Variants in COL4A4 observed in about 807,000 individuals in gnomAD.
COL4A4 encodes the protein collagen alpha-4(IV) chain.
A neutral mutation model predicts 192.9 loss-of-function variants in COL4A4; 105 were observed. That is an observed-to-expected ratio of 0.54 (90% CI 0.46 to 0.64). COL4A4 has a LOEUF of 0.64. Among genes scored for constraint, COL4A4 ranks in the 30% least tolerant of loss-of-function variants. The pLI, the probability that COL4A4 is intolerant of heterozygous loss-of-function variation, is 0.00. For missense variants in COL4A4, 1,967 were observed against 2,169.3 expected (o/e 0.91, Z 1.85); for synonymous variants, 762 against 769.9 (o/e 0.99, Z 0.17).
chr2:227,024,784 C>G (rs1366375011), intron 43 of COL4A4, among the ~76,000 whole-genome samples: 1 of 152,172 alleles, frequency 6.6e-6, no homozygotes, highest in African/African-American at 2.4e-5. Flanking sequence ...TAATGTAAAA[C>G]TTGGCTTTTC....
chr2:227,046,731 G>A (rs774902616), intron 35 of COL4A4, among the ~76,000 whole-genome samples: 12 of 152,088 alleles, frequency 7.9e-5, no homozygotes, highest in Non-Finnish European at 1.8e-4. Flanking sequence ...CTGTTCTGTC[G>A]GCTTGAACTC....
rs750398902 is a variant in COL4A4 at position 227,101,857 on chromosome 2, A to G, written c.975+8T>C. The G allele has an allele frequency of 8.9e-6, 14 of 1,574,868 alleles. No individual in the cohort carries two copies. Among genetic ancestry groups the G allele is most frequent in the Non-Finnish European group, 1.2e-5 (14 of 1,151,524 alleles). On this transcript the variant is annotated splice_region_variant and intron_variant, in intron 16 of 47. Coordinates refer to ENST00000396625, the MANE Select transcript of COL4A4 (RefSeq NM_000092.5). ...GTATTTATTATCTCTATAATGAGGTACATTTACCTTTAATCCTGGAAAACC... is the reference window on the plus strand; with the variant it reads ...GTATTTATTATCTCTATAATGAGGTGCATTTACCTTTAATCCTGGAAAACC...
In COL4A4 at chr2:227,103,128, T is replaced by C. The variant is rs750661133; in HGVS notation, c.870+16A>G. The C allele has an allele frequency of 1.3e-6, 2 of 1,591,934 alleles. No individual in the cohort carries two copies. On this transcript the variant is annotated intron_variant, in intron 14 of 47. Coordinates refer to ENST00000396625, the MANE Select transcript of COL4A4 (RefSeq NM_000092.5). ...ATCACACAAATGAAAAAAAAAAAGGTACTTAAATAAACTACCTTGCGTCCT... is the reference window on the plus strand; with the variant it reads ...ATCACACAAATGAAAAAAAAAAAGGCACTTAAATAAACTACCTTGCGTCCT...
intron 13 of COL4A4, among the ~76,000 whole-genome samples, chr2:227,103,656 C>T (rs1388177167): frequency 2.0e-5 from 3 of 152,176 alleles, no homozygotes; most frequent in Non-Finnish European, 4.4e-5. Flanking sequence ...TCTGTAACAT[C>T]TAAAGGACAA....
At position 227,077,967 on chromosome 2, in the gene COL4A4, T is replaced by C. The variant is rs759226801; in HGVS notation, c.1914A>G (p.Pro638=). 10 of 1,613,862 alleles carry C rather than the reference T, an allele frequency of 6.2e-6. No individual in the cohort carries two copies. The East Asian group carries it at 2.2e-4, about 36-fold the overall frequency. ...GPPGLGFPGP[P]GERGHPGVPG... is the part of the protein sequence containing the mutation. Reference sequence around the variant, plus strand: ...GAACTCCTGGGTGGCCTCGCTCTCCTGGTGGACCAGGAAATCCCAGTCCTG... The same window carrying C: ...GAACTCCTGGGTGGCCTCGCTCTCCCGGTGGACCAGGAAATCCCAGTCCTG... Residue 638 remains proline, a synonymous_variant, in exon 25 of 48, where the codon CCA becomes CCG. Transcript: ENST00000396625.
chr2:227,146,542 G>A (rs915371595), intron 2 of COL4A4, among the ~76,000 whole-genome samples: 2 of 152,100 alleles, frequency 1.3e-5, no homozygotes, highest in African/African-American at 4.8e-5. Flanking sequence ...TATTGCTGCT[G>A]TCACACGTTA....
chr2:227,108,203 T>A (rs1450649824), intron 12 of COL4A4, among the ~76,000 whole-genome samples: 3 of 152,164 alleles, frequency 2.0e-5, no homozygotes, highest in Non-Finnish European at 4.4e-5. Flanking sequence ...GTGCTCTTGG[T>A]TCCAGTCATT....
At position 227,078,008 on chromosome 2, in the gene COL4A4, C is replaced by G; in HGVS notation, c.1873G>C (p.Gly625Arg). 6.2e-7 allele frequency: 1 copy of G among 1,613,998 alleles called. No homozygotes were observed. Among genetic ancestry groups the G allele is most frequent in the Non-Finnish European group, 8.5e-7 (1 of 1,180,006 alleles). ...PGPLGPPGKA[G>R]PVGPPGLGFP... ...CCCAGTCCTGGGGGCCCCACAGGTC[C>G]TGCTTTGCCTGGGGGGCCCAGAGGT... The change falls in exon 25 of 48, where the codon GGA becomes CGA. Residue 625 changes from glycine (G) to arginine (R), a missense_variant. Gly to Arg is a moderately radical substitution (Grantham distance 125). Transcript: ENST00000396625.
upstream of COL4A4, chr2:227,164,268 G>C: frequency 4.3e-6 from 1 of 230,700 alleles, no homozygotes; most frequent in Non-Finnish European, 8.5e-6. The surrounding 1 kb of genome is among the most constrained non-coding windows in gnomAD (Gnocchi z 4.8). Flanking sequence ...CCTCCACCCT[G>C]CGCAGCCACC....
At chr2:227,048,125 T>C (rs987923373) in intron 34 of COL4A4, among the ~76,000 whole-genome samples, 13 of 152,082 alleles carry the variant, frequency 8.5e-5, no homozygotes, top group African/African-American at 3.1e-4. Context: ...ACCTACATTA[T>C]GGTTGGGAGC....
Position 227,032,040 on chromosome 2 carries a change from G to A in COL4A4, c.3722C>T (p.Pro1241Leu), listed in dbSNP as rs781591540. 2.5e-6 allele frequency: 4 copies of A among 1,613,726 alleles called. No individual in the cohort carries two copies. Among genetic ancestry groups the A allele is most frequent in the East Asian group, 4.5e-5 (2 of 44,870 alleles). The change falls in exon 40 of 48, where the codon CCT becomes CTT. Residue 1241 changes from proline to leucine, a missense_variant. Coordinates refer to ENST00000396625, the MANE Select transcript of COL4A4 (RefSeq NM_000092.5). ...PPGPPGSSGPPGPAGATGRAP... is the reference protein window; with the variant it reads ...PPGPPGSSGPLGPAGATGRAP... ...TCTTCCTGTGGCACCTGCAGGACCA[G>A]GTGGTCCTGAACTCCCTAAGAAGAG...
intron 24 of COL4A4, 36 bp downstream of exon 24, chr2:227,080,407 A>C: frequency 6.4e-7 from 1 of 1,553,178 alleles, no homozygotes; most frequent in African/African-American, 1.4e-5. Flanking sequence ...CATATAAGAA[A>C]GTGAAATTCT....
At chr2:227,030,048 T>G (rs1371958449) in intron 41 of COL4A4, among the ~76,000 whole-genome samples, 1 of 151,968 alleles carries the variant, frequency 6.6e-6, no homozygotes. Flanking sequence ...AATTATCTCA[T>G]TGATAAATGT....
At chr2:227,143,582 T>A (rs1479844214) in intron 3 of COL4A4, among the ~76,000 whole-genome samples, 1 of 152,070 alleles carries the variant, frequency 6.6e-6, no homozygotes, top group Non-Finnish European at 1.5e-5. Context: ...TGCAATATTT[T>A]AAAAAAAGTA....
chr2:227,156,109 A>G (rs2064319804), intron 1 of COL4A4, among the ~76,000 whole-genome samples: 1 of 152,022 alleles, frequency 6.6e-6, no homozygotes, highest in Non-Finnish European at 1.5e-5. Flanking sequence ...CAATAAACAT[A>G]AAAACCCGGC....
chr2:227,067,752 T>C (rs570728157), intron 25 of COL4A4, among the ~76,000 whole-genome samples: 1 of 151,884 alleles, frequency 6.6e-6, no homozygotes. Context: ...CTAAATGCCC[T>C]CAAGAGAAAG....
Position 227,008,182 on chromosome 2 carries a change from G to A in COL4A4, c.4645C>T (p.Leu1549Phe), listed in dbSNP as rs763832994. 2 of 1,614,146 alleles carry A rather than the reference G, an allele frequency of 1.2e-6. No individual in the cohort carries two copies. Among genetic ancestry groups the A allele is most frequent in the Non-Finnish European group, 8.5e-7 (1 of 1,179,968 alleles). ...RSYWLASAAPLPMMPLSEEAI... is the reference protein window; with the variant it reads ...RSYWLASAAPFPMMPLSEEAI... ...TCTTCAGAGAGTGGCATCATGGGGAGGGGCGCAGCGCTGGCCAGCCAGTAG... is the reference window on the plus strand; with the variant it reads ...TCTTCAGAGAGTGGCATCATGGGGAAGGGCGCAGCGCTGGCCAGCCAGTAG... Residue 1549 changes from leucine to phenylalanine, a missense_variant, in exon 47 of 48, where the codon CTC becomes TTC. Transcript: ENST00000396625.
chr2:227,102,798 T>G lies in COL4A4; in HGVS notation c.921A>C (p.Pro307=). 6.2e-7 allele frequency: 1 copy of G among 1,613,440 alleles called. No homozygotes were observed. Among genetic ancestry groups the G allele is most frequent in the South Asian group, 1.1e-5 (1 of 91,068 alleles). The change falls in exon 15 of 48, where the codon CCA becomes CCC. Residue 307 remains proline (P), a synonymous_variant. Transcript: ENST00000396625. ...AKGEKGIPGF[P]GPRGDPGSYG... ...AGCAAATGATGCTTACCCGAGGCCC[T>G]GGAAATCCAGGAATACCTTTTTCTC...
intron 3 of COL4A4, among the ~76,000 whole-genome samples, 195 bp downstream of exon 3, chr2:227,144,321 A>C (rs1015812064): frequency 6.6e-6 from 1 of 152,246 alleles, no homozygotes; most frequent in African/African-American, 2.4e-5. Flanking sequence ...AGAAATCCCC[A>C]ATACCTAGGC....
Sources: allele counts gnomAD v4.1 joint callset (sites outside exome capture counted in the v4.1 genomes callset), GRCh38; gene constraint gnomAD v4.1.1; non-coding constraint Gnocchi (gnomAD v3.1); transcripts MANE v1.5; gene names NCBI Gene and HGNC (gene_info 2026-07-23, HGNC 2026-07-21).